RALGAPA1: variants seen among roughly 807,000 people sequenced by gnomAD.
RALGAPA1 encodes Ral GTPase activating protein catalytic subunit alpha 1.
RALGAPA1 carries 52 observed loss-of-function variants against 269.6 expected under a neutral mutation model. That is an observed-to-expected ratio of 0.19 (90% confidence interval 0.15 to 0.24). RALGAPA1 has a LOEUF of 0.24. RALGAPA1 is among the 10% of genes least tolerant of loss of function. The probability of loss-of-function intolerance (pLI) is 1.00; values close to 1 mark genes in which losing one functional copy is unlikely to be tolerated. For synonymous variants in RALGAPA1, 817 were observed against 1,008.3 expected, an observed-to-expected ratio of 0.81 and a Z score of 3.60; for missense variants, 1,917 against 3,013.9, an observed-to-expected ratio of 0.64 and a Z score of 8.52.
chr14:35,546,545 C>A (rs533736723), intron 41 of RALGAPA1, among the ~76,000 whole-genome samples: 1 of 151,650 alleles, frequency 6.6e-6, no homozygotes, highest in African/African-American at 2.4e-5. Flanking sequence ...AATATAATCA[C>A]CATTTTGGCA....
rs1475826406 is a variant in RALGAPA1 at position 35,715,870 on chromosome 14, A to T, written c.2266+5818T>A. 4.1e-6 allele frequency: 4 copies of T among 985,318 alleles called. No homozygotes were observed. The African/African-American group carries it at 7.0e-5, about 17-fold the overall frequency. 61.0% of individuals were successfully genotyped at this position (985,318 alleles called of 1,614,324 possible). A position where few individuals can be genotyped will look rare whatever the true frequency, so the allele number is the denominator to read the frequency against. ...CACTTTTCCAGTGTGCTTACTGCTCATCACTCCATTTTCCACTCATAGTTT... is the reference window on the plus strand; with the variant it reads ...CACTTTTCCAGTGTGCTTACTGCTCTTCACTCCATTTTCCACTCATAGTTT... On this transcript the variant is annotated intron_variant, in intron 16 of 41. Coordinates refer to ENST00000680220, the MANE Select transcript of RALGAPA1 (RefSeq NM_001346249.2).
At chr14:35,766,853 G>A in intron 4 of RALGAPA1, 1 of 455,524 alleles carries the variant, frequency 2.2e-6, no homozygotes, top group Non-Finnish European at 4.3e-6. Flanking sequence ...AACAGGAAGT[G>A]CCCAGGATGA....
chr14:35,673,679 C>G (rs1189036604), intron 24 of RALGAPA1, among the ~76,000 whole-genome samples: 1 of 152,148 alleles, frequency 6.6e-6, no homozygotes, highest in Non-Finnish European at 1.5e-5. Flanking sequence ...CTCCTATGTT[C>G]AAGCGATTCT....
intron 15 of RALGAPA1, among the ~76,000 whole-genome samples, chr14:35,722,620 A>C (rs1479474979): frequency 2.0e-5 from 3 of 152,024 alleles, no homozygotes; most frequent in African/African-American, 7.3e-5. Flanking sequence ...TCAGAAAAAA[A>C]AAAAAAGCAA....
rs139734661 is a variant in RALGAPA1, at chr14:35,573,536, T to C, written c.7210-818A>G. Among the ~76,000 whole-genome samples, 58 of 152,188 alleles carry C rather than the reference T, an allele frequency of 3.8e-4. 1 individual carries two copies. The highest frequency in any genetic ancestry group is 3.7e-3 in the Admixed American group (57 of 15,272). ...TTTAGAAGAGTAAACCTGGGATAAC[T>C]GTCATCAATATTTACGCTATCAGCT... On this transcript the variant is annotated intron_variant, in intron 37 of 41. Transcript: ENST00000680220.
intron 10 of RALGAPA1, among the ~76,000 whole-genome samples, chr14:35,743,270 T>C (rs1343823650): frequency 6.6e-6 from 1 of 152,172 alleles, no homozygotes; most frequent in Non-Finnish European, 1.5e-5. Flanking sequence ...AAAAACAACT[T>C]TTAAAAGTTA....
rs114501258 is a variant in RALGAPA1, at chr14:35,563,228, G to A, written c.7496+7389C>T. 9.4e-3 allele frequency among the ~76,000 whole-genome samples: 1,428 copies of A among 152,106 alleles called. 30 individuals are homozygous for A. The highest frequency in any genetic ancestry group is 0.033 in the African/African-American group (1,365 of 41,508). On this transcript the variant is annotated intron_variant, in intron 39 of 41. Coordinates refer to ENST00000680220, the MANE Select transcript of RALGAPA1 (RefSeq NM_001346249.2). ...CACACAGTAAGTACTATAACAAAAT[G>A]TTTTGAGGCAGTGTAAATAATAGTT...
intron 17 of RALGAPA1, among the ~76,000 whole-genome samples, chr14:35,692,584 T>C (rs1310479617): frequency 1.3e-5 from 2 of 149,050 alleles, no homozygotes; most frequent in Non-Finnish European, 3.0e-5. Flanking sequence ...AAAAAAAAAA[T>C]GTAACTGGTT....
chr14:35,669,127 T>G (rs2064190367), intron 26 of RALGAPA1, among the ~76,000 whole-genome samples: 1 of 152,236 alleles, frequency 6.6e-6, no homozygotes, highest in Non-Finnish European at 1.5e-5. Context: ...CCTAAACAAA[T>G]AAGATCTCTC....
intron 12 of RALGAPA1, among the ~76,000 whole-genome samples, chr14:35,736,051 T>G (rs1223120544): frequency 6.6e-6 from 1 of 152,122 alleles, no homozygotes; most frequent in African/African-American, 2.4e-5. Flanking sequence ...GAGTGACAGG[T>G]GGGCAGGGCA....
intron 31 of RALGAPA1, among the ~76,000 whole-genome samples, chr14:35,649,862 C>T (rs539896382): frequency 2.1e-4 from 32 of 152,132 alleles, no homozygotes; most frequent in South Asian, 2.1e-4. Context: ...CCTAGCAGAA[C>T]GCCACACTCA....
chr14:35,557,791 G>A (rs1344231377), intron 39 of RALGAPA1, among the ~76,000 whole-genome samples: 1 of 152,120 alleles, frequency 6.6e-6, no homozygotes, highest in Non-Finnish European at 1.5e-5. Context: ...AATCTAGCAA[G>A]AGCATCCCAT....
rs2062810121 is a variant in RALGAPA1, at chr14:35,651,229, G to A, written c.5676+576C>T. ...ATATGTTAAAGTATCTATAAGAGAA[G>A]ATGTATATAATTGATGAAGAAATGC... On this transcript the variant is annotated intron_variant, in intron 31 of 41. Transcript: ENST00000680220. 2.6e-5 allele frequency among the ~76,000 whole-genome samples: 4 copies of A among 152,130 alleles called. No individual in the cohort carries two copies. In the South Asian group the frequency reaches 8.3e-4, roughly 32 times the overall value.
chr14:35,580,335 C>T (rs2057874978), intron 37 of RALGAPA1, among the ~76,000 whole-genome samples: 1 of 152,290 alleles, frequency 6.6e-6, no homozygotes, highest in South Asian at 2.1e-4. Context: ...CCTATGAACA[C>T]TTTATACCAA....
intron 13 of RALGAPA1, among the ~76,000 whole-genome samples, chr14:35,725,611 G>A (rs1161352643): frequency 2.0e-5 from 3 of 151,314 alleles, no homozygotes; most frequent in Non-Finnish European, 4.4e-5. Flanking sequence ...TACATATTGA[G>A]AATCATACCA....
intron 19 of RALGAPA1, among the ~76,000 whole-genome samples, chr14:35,686,063 C>T (rs1206394856): frequency 2.0e-5 from 3 of 151,864 alleles, no homozygotes; most frequent in Non-Finnish European, 4.4e-5. Flanking sequence ...GCTAGCAAAA[C>T]TATGGGAGCT....
Position 35,773,354 on chromosome 14 carries a change from C to T in RALGAPA1, c.267+1652G>A, listed in dbSNP as rs118143807. 1.6e-3 allele frequency among the ~76,000 whole-genome samples: 239 copies of T among 152,018 alleles called. 2 individuals carry two copies. In the East Asian group the frequency reaches 0.041, roughly 26 times the overall value. ...TAGAGGCCCCCTACTATAAGTAGAA[C>T]GTCAGCACAAAAATCAAATGATTTT... On this transcript the variant is annotated intron_variant, in intron 3 of 41. Coordinates refer to ENST00000680220, the MANE Select transcript of RALGAPA1 (RefSeq NM_001346249.2).
intron 12 of RALGAPA1, among the ~76,000 whole-genome samples, chr14:35,736,905 G>A (rs569387942): frequency 5.3e-5 from 8 of 152,020 alleles, no homozygotes; most frequent in East Asian, 3.9e-4. Flanking sequence ...GCATGGTGGC[G>A]TGTGCCTGTA....
chr14:35,623,314 C>T (rs2060767264), intron 35 of RALGAPA1, among the ~76,000 whole-genome samples: 1 of 151,966 alleles, frequency 6.6e-6, no homozygotes, highest in Admixed American at 6.6e-5. Context: ...GTTAATCTCT[C>T]TCTCTCTCTC....
Sources: gnomAD v4.1 joint callset for allele counts (sites outside exome capture counted in the v4.1 genomes callset) on GRCh38, gnomAD v4.1.1 for gene constraint, MANE v1.5 for transcripts, NCBI Gene and HGNC (gene_info 2026-07-23, HGNC 2026-07-21) for gene names.